The following SGCD variants were observed in gnomAD, a reference collection of about 807,000 sequenced individuals.
The protein encoded by SGCD is delta-sarcoglycan.
SGCD carries 18 observed loss-of-function variants against 36.6 expected under a neutral mutation model. The ratio of observed to expected loss-of-function variants is 0.49; its 90% confidence interval spans 0.34 to 0.73. The LOEUF (loss-of-function observed/expected upper bound fraction) is 0.73, where lower values mean the gene tolerates loss of function less well. SGCD is among the 30% of genes least tolerant of loss of function. The pLI, the probability that SGCD is intolerant of heterozygous loss-of-function variation, is 0.01. For synonymous variants in SGCD, 133 were observed against 130.6 expected, an observed-to-expected ratio of 1.02 and a Z score of -0.12; for missense variants, 387 against 346.7, an observed-to-expected ratio of 1.12 and a Z score of -0.92.
At chr5:155,781,628 A>AT in the SGCD span, among the ~76,000 whole-genome samples, 1 of 151,746 alleles carries the variant, frequency 6.6e-6, no homozygotes, top group African/African-American at 2.4e-5. Context: ...TGCCTGGCTA[A>AT]TTTTTTTGTT....
chr5:156,052,385 G>T (rs972683741), intron 1 of SGCD, among the ~76,000 whole-genome samples: 2 of 146,344 alleles, frequency 1.4e-5, no homozygotes, highest in Non-Finnish European at 3.1e-5. Flanking sequence ...TTCACACAAG[G>T]CTTTGTAGGT....
chr5:156,633,302 C>T (rs1762704848), intron 6 of SGCD, among the ~76,000 whole-genome samples: 3 of 152,160 alleles, frequency 2.0e-5, no homozygotes, highest in African/African-American at 7.2e-5. Flanking sequence ...AGACAGGTAG[C>T]AACTCAAACA....
At chr5:155,962,765 A>G (rs1757817504) in intron 1 of SGCD, among the ~76,000 whole-genome samples, 1 of 152,102 alleles carries the variant, frequency 6.6e-6, no homozygotes, top group Non-Finnish European at 1.5e-5. Context: ...ACGAGAAGAC[A>G]TAAAAGGAAC....
the SGCD span, among the ~76,000 whole-genome samples, chr5:155,762,373 C>A: frequency 1.3e-5 from 2 of 152,216 alleles, no homozygotes; most frequent in African/African-American, 4.8e-5. Flanking sequence ...GACCTCTCTG[C>A]TAACCACCTT....
chr5:155,744,468 T>A, the SGCD span, among the ~76,000 whole-genome samples: 1 of 150,764 alleles, frequency 6.6e-6, no homozygotes, highest in Non-Finnish European at 1.5e-5. Context: ...TCAAATAAAA[T>A]AAAATAAAAT....
At chr5:156,543,277 C>G (rs144599345) in intron 4 of SGCD, among the ~76,000 whole-genome samples, 304 of 152,286 alleles carry the variant, frequency 2.0e-3, no homozygotes, top group African/African-American at 7.0e-3. Context: ...AAAATAAAGT[C>G]TGCCTGATAT....
chr5:156,109,490 G>T (rs1404833894), intron 1 of SGCD, among the ~76,000 whole-genome samples: 2 of 152,122 alleles, frequency 1.3e-5, no homozygotes, highest in Non-Finnish European at 2.9e-5. Flanking sequence ...TAGCCTGGAT[G>T]GCTCTGTGTG....
At chr5:156,391,318 G>A (rs988940212) in intron 3 of SGCD, among the ~76,000 whole-genome samples, 7 of 152,182 alleles carry the variant, frequency 4.6e-5, no homozygotes, top group African/African-American at 9.7e-5. Flanking sequence ...GTAAGTACAC[G>A]CTATGTTAGC....
chr5:156,355,166 A>T (rs539346433), intron 3 of SGCD, among the ~76,000 whole-genome samples: 2 of 152,132 alleles, frequency 1.3e-5, no homozygotes, highest in Admixed American at 6.5e-5. Flanking sequence ...CTAATGTCCT[A>T]CTTCTTAGCT....
At chr5:156,520,450 T>G (rs569474240) in intron 4 of SGCD, among the ~76,000 whole-genome samples, 3 of 152,228 alleles carry the variant, frequency 2.0e-5, no homozygotes, top group African/African-American at 7.2e-5. Context: ...CCAAAGTAAT[T>G]TATAGACCAA....
chr5:155,764,635 G>T, the SGCD span, among the ~76,000 whole-genome samples: 1 of 152,152 alleles, frequency 6.6e-6, no homozygotes, highest in African/African-American at 2.4e-5. Context: ...GTCTGCTGAT[G>T]TCCCAGTGGC....
intron 3 of SGCD, among the ~76,000 whole-genome samples, chr5:156,149,942 A>G (rs1039161505): frequency 6.6e-6 from 1 of 152,046 alleles, no homozygotes; most frequent in African/African-American, 2.4e-5. Context: ...GGCCTTGAAA[A>G]CCAGTGCCTT....
chr5:156,674,828 A>T (rs770055608), intron 7 of SGCD, among the ~76,000 whole-genome samples: 2 of 152,176 alleles, frequency 1.3e-5, no homozygotes, highest in Non-Finnish European at 2.9e-5. Context: ...TTTAGAAAAC[A>T]GTTCAGATTT....
chr5:156,503,483 C>T (rs1429294078), intron 3 of SGCD, among the ~76,000 whole-genome samples: 2 of 152,096 alleles, frequency 1.3e-5, no homozygotes, highest in African/African-American at 2.4e-5. Flanking sequence ...ACTGCAGTTA[C>T]CCAGTAAGCT....
chr5:156,307,143 G>A (rs1376027206), intron 3 of SGCD, among the ~76,000 whole-genome samples: 1 of 151,026 alleles, frequency 6.6e-6, no homozygotes, highest in African/African-American at 2.4e-5. Flanking sequence ...CTGGGCCCAA[G>A]CAATCCTTCC....
rs145754876 is a variant in SGCD, at chr5:156,674,782, A to C, written c.575+27246A>C. ...TAGTTGAAGGACAGAATCTGTGACC[A>C]GCATCGACTCCTTTTTGTGCCTTAT... On this transcript the variant is annotated intron_variant, in intron 7 of 8. Coordinates refer to ENST00000337851, the MANE Select transcript of SGCD (RefSeq NM_000337.6). Among the ~76,000 whole-genome samples, 176 of 152,330 alleles carry C rather than the reference A, an allele frequency of 1.2e-3. 1 individual carries two copies. Among genetic ancestry groups the C allele is most frequent in the African/African-American group, 4.0e-3 (166 of 41,582 alleles).
chr5:156,347,729 C>A (rs902691082), intron 3 of SGCD, among the ~76,000 whole-genome samples: 3 of 152,092 alleles, frequency 2.0e-5, no homozygotes, highest in African/African-American at 7.2e-5. Context: ...AAAATATGAG[C>A]TGAAACTTTG....
intron 1 of SGCD, among the ~76,000 whole-genome samples, chr5:155,965,164 T>C (rs1343412759): frequency 2.0e-5 from 3 of 152,150 alleles, no homozygotes; most frequent in Non-Finnish European, 4.4e-5. Context: ...GGTGTGGTAG[T>C]CCTAAACATT....
the SGCD span, among the ~76,000 whole-genome samples, chr5:155,770,144 C>A: frequency 6.8e-6 from 1 of 146,210 alleles, no homozygotes; most frequent in Non-Finnish European, 1.5e-5. Flanking sequence ...GACCACCACA[C>A]CCCTGTCCCC....
Sources: allele counts gnomAD v4.1 joint callset (sites outside exome capture counted in the v4.1 genomes callset), GRCh38; gene constraint gnomAD v4.1.1; transcripts MANE v1.5; gene names NCBI Gene and HGNC (gene_info 2026-07-23, HGNC 2026-07-21).